PAQR5: variants seen among roughly 807,000 people sequenced by gnomAD.
PAQR5 encodes the protein progestin and adipoQ receptor family member 5, also known as membrane progestin receptor gamma.
A neutral mutation model predicts 34.5 loss-of-function variants in PAQR5; 20 were observed. That is an observed-to-expected ratio of 0.58 (90% CI 0.41 to 0.84). PAQR5 has a LOEUF of 0.84. Among genes scored for constraint, PAQR5 ranks in the 40% least tolerant of loss-of-function variants. The probability of loss-of-function intolerance (pLI) is 0.00; values close to 1 mark genes in which losing one functional copy is unlikely to be tolerated. For missense variants in PAQR5, 378 were observed against 412.7 expected, an observed-to-expected ratio of 0.92 and a Z score of 0.73; for synonymous variants, 131 against 155.6, an observed-to-expected ratio of 0.84 and a Z score of 1.18.
intron 1 of PAQR5, among the ~76,000 whole-genome samples, chr15:69,334,498 T>C (rs2054466509): frequency 1.3e-5 from 2 of 152,222 alleles, no homozygotes; most frequent in African/African-American, 4.8e-5. Context: ...CATTAGATGA[T>C]AGGTAAGGCC....
chr15:69,372,086 G>T, intron 3 of PAQR5, among the ~76,000 whole-genome samples: 1 of 152,132 alleles, frequency 6.6e-6, no homozygotes, highest in African/African-American at 2.4e-5. Context: ...CATAATCTTT[G>T]AACTATTCCA....
chr15:69,371,303 A>G (rs992600289), intron 3 of PAQR5, among the ~76,000 whole-genome samples: 1 of 152,174 alleles, frequency 6.6e-6, no homozygotes, highest in African/African-American at 2.4e-5. Context: ...TTTTAATTGA[A>G]GCCAGTTTGA....
chr15:69,387,606 T>A (rs2056147841), intron 5 of PAQR5, among the ~76,000 whole-genome samples: 1 of 152,174 alleles, frequency 6.6e-6, no homozygotes, highest in African/African-American at 2.4e-5. Flanking sequence ...GTCATATCCA[T>A]GCGTAGGTGA....
At chr15:69,301,085 C>A (rs1407761899) in intron 1 of PAQR5, among the ~76,000 whole-genome samples, 1 of 150,678 alleles carries the variant, frequency 6.6e-6, no homozygotes, top group Non-Finnish European at 1.5e-5. Flanking sequence ...CTAACTGCAA[C>A]CTCCGCCTCC....
At chr15:69,383,618 G>C (rs1378385023) in intron 4 of PAQR5, among the ~76,000 whole-genome samples, 2 of 131,514 alleles carry the variant, frequency 1.5e-5, no homozygotes, top group African/African-American at 6.0e-5. Context: ...TTGTGTTCAT[G>C]GTGGAGGGTG....
chr15:69,323,328 C>G (rs923160903), intron 1 of PAQR5, among the ~76,000 whole-genome samples: 3 of 152,238 alleles, frequency 2.0e-5, no homozygotes, highest in African/African-American at 4.8e-5. Flanking sequence ...CAGCCTCCAC[C>G]TTCACCTATG....
intron 2 of PAQR5, among the ~76,000 whole-genome samples, chr15:69,355,349 TTTCTTTCTTTCTTTCTTTC>T (rs2055044854): frequency 3.5e-5 from 1 of 28,876 alleles, no homozygotes; most frequent in Non-Finnish European, 8.4e-5. Flanking sequence ...TCTTTTTTTC[TTTCTTTCTTTCTTTCTTTC>T]TTTCTTTCTT....
intron 1 of PAQR5, among the ~76,000 whole-genome samples, chr15:69,324,567 T>C (rs2140628005): frequency 6.6e-6 from 1 of 152,320 alleles, no homozygotes; most frequent in South Asian, 2.1e-4. Context: ...CTCTTCAGCA[T>C]TCTCCTTGCC....
intron 3 of PAQR5, 45 bp from the exon 4 acceptor site, chr15:69,379,838 C>T (rs1451972422): frequency 6.3e-7 from 1 of 1,597,246 alleles, no homozygotes; most frequent in African/African-American, 1.3e-5. Context: ...ACCTTCGTGC[C>T]ACCCTCTGGT....
intron 1 of PAQR5, among the ~76,000 whole-genome samples, chr15:69,316,859 C>T (rs1313495607): frequency 6.6e-6 from 1 of 152,102 alleles, no homozygotes; most frequent in Non-Finnish European, 1.5e-5. Context: ...CTTGCTCTGT[C>T]CCCCAGGCTG....
chr15:69,348,076 C>T (rs1481281514), intron 2 of PAQR5, among the ~76,000 whole-genome samples: 2 of 152,104 alleles, frequency 1.3e-5, no homozygotes, highest in African/African-American at 4.8e-5. Flanking sequence ...CCTTCCCATC[C>T]CTGACTCCCT....
chr15:69,366,177 T>C (rs559455246), intron 3 of PAQR5, among the ~76,000 whole-genome samples: 28 of 152,358 alleles, frequency 1.8e-4, no homozygotes, highest in African/African-American at 6.5e-4. Flanking sequence ...TTGCCTATTG[T>C]GGATATCTCC....
intron 1 of PAQR5, among the ~76,000 whole-genome samples, chr15:69,322,464 G>A (rs962334697): frequency 3.4e-5 from 5 of 148,244 alleles, no homozygotes; most frequent in East Asian, 2.1e-4. Flanking sequence ...GGGAGACCCC[G>A]TCTCAAAAAA....
At chr15:69,334,155 G>A (rs1169729356) in intron 1 of PAQR5, among the ~76,000 whole-genome samples, 1 of 152,040 alleles carries the variant, frequency 6.6e-6, no homozygotes, top group Non-Finnish European at 1.5e-5. Flanking sequence ...AGCCTCCCAA[G>A]TTGCTGGGGC....
chr15:69,330,426 A>G (rs1405718808), intron 1 of PAQR5, among the ~76,000 whole-genome samples: 1 of 152,214 alleles, frequency 6.6e-6, no homozygotes, highest in Non-Finnish European at 1.5e-5. Flanking sequence ...CCACAGAATT[A>G]GAAATTATGG....
chr15:69,330,843 C>A (rs185628374), intron 1 of PAQR5, among the ~76,000 whole-genome samples: 32 of 152,338 alleles, frequency 2.1e-4, no homozygotes, highest in Non-Finnish European at 4.1e-4. Flanking sequence ...TTTGTCTAGG[C>A]AGCAGGCAAG....
At chr15:69,338,303 C>T (rs2054558887) in intron 2 of PAQR5, among the ~76,000 whole-genome samples, 1 of 152,142 alleles carries the variant, frequency 6.6e-6, no homozygotes, top group Admixed American at 6.5e-5. Context: ...TTTTTTCCTG[C>T]AGTTTAGACT....
chr15:69,308,720 A>G (rs758988706), intron 1 of PAQR5, among the ~76,000 whole-genome samples: 1 of 152,178 alleles, frequency 6.6e-6, no homozygotes, highest in African/African-American at 2.4e-5. Context: ...GTTAGGATAC[A>G]GCAGGGGTGG....
At chr15:69,381,980 G>A (rs545554570) in intron 4 of PAQR5, among the ~76,000 whole-genome samples, 21 of 152,322 alleles carry the variant, frequency 1.4e-4, no homozygotes, top group Middle Eastern at 3.4e-3. Context: ...GACCTCATGC[G>A]TGGATTGTAG....
Sources: gnomAD v4.1 joint callset for allele counts (sites outside exome capture counted in the v4.1 genomes callset) on GRCh38, gnomAD v4.1.1 for gene constraint, MANE v1.5 for transcripts, NCBI Gene and HGNC (gene_info 2026-07-23, HGNC 2026-07-21) for gene names.